Variants in NIPAL2 observed in about 807,000 individuals in gnomAD.
The protein encoded by NIPAL2 is NIPA like domain containing 2.
A neutral mutation model predicts 48.9 loss-of-function variants in NIPAL2; 43 were observed. That is an observed-to-expected ratio of 0.88 (90% CI 0.69 to 1.13). The LOEUF is 1.13. NIPAL2 is among the 50% of genes most tolerant of loss of function. NIPAL2 has a pLI of 0.00. For missense variants in NIPAL2, 446 were observed against 461.4 expected (o/e 0.97, Z 0.31); for synonymous variants, 167 against 174.6 (o/e 0.96, Z 0.34).
At chr8:98,203,006 C>T (rs1386049021) in intron 8 of NIPAL2, 102 bp downstream of exon 8, 2 of 911,178 alleles carry the variant, frequency 2.2e-6, no homozygotes, top group East Asian at 2.6e-5. Context: ...GTGGAGGCAA[C>T]ACAGATCCTT....
intron 1 of NIPAL2, among the ~76,000 whole-genome samples, chr8:98,280,831 G>A (rs1370974660): frequency 6.8e-6 from 1 of 146,904 alleles, no homozygotes; most frequent in Non-Finnish European, 1.5e-5. Context: ...TTAACAATTG[G>A]TGAATCTCCA....
chr8:98,222,187 T>C (rs544667518), intron 5 of NIPAL2, among the ~76,000 whole-genome samples: 103 of 152,298 alleles, frequency 6.8e-4, no homozygotes, highest in African/African-American at 2.4e-3. Context: ...GTATTGTCCC[T>C]TCAACTTGGA....
At chr8:98,289,254 A>T (rs1389632371) in intron 1 of NIPAL2, among the ~76,000 whole-genome samples, 1 of 152,202 alleles carries the variant, frequency 6.6e-6, no homozygotes, top group Non-Finnish European at 1.5e-5. Context: ...TGTATGCTGT[A>T]ATCTGGCAGT....
chr8:98,220,701 C>T (rs952027300), intron 5 of NIPAL2, among the ~76,000 whole-genome samples: 1 of 152,104 alleles, frequency 6.6e-6, no homozygotes, highest in African/African-American at 2.4e-5. Flanking sequence ...CACCACCACG[C>T]CCAGCCTAAT....
intron 1 of NIPAL2, among the ~76,000 whole-genome samples, chr8:98,261,386 T>A (rs550709069): frequency 1.0e-4 from 14 of 134,060 alleles, no homozygotes; most frequent in African/African-American, 2.9e-4. Flanking sequence ...TTGAAAAAAA[T>A]TTAGAAGAAT....
chr8:98,231,003 A>G (rs1324229310), intron 4 of NIPAL2, among the ~76,000 whole-genome samples: 2 of 152,214 alleles, frequency 1.3e-5, no homozygotes, highest in East Asian at 1.9e-4. Flanking sequence ...AGCTAACCTG[A>G]CTGCAAGGGA....
chr8:98,239,293 G>A (rs1208401337), intron 3 of NIPAL2, among the ~76,000 whole-genome samples: 6 of 152,192 alleles, frequency 3.9e-5, no homozygotes, highest in African/African-American at 1.4e-4. Flanking sequence ...TTACAGCAGA[G>A]CTGGAACTGG....
At chr8:98,270,429 T>C (rs1489749955) in intron 1 of NIPAL2, among the ~76,000 whole-genome samples, 2 of 152,218 alleles carry the variant, frequency 1.3e-5, no homozygotes, top group Non-Finnish European at 2.9e-5. Context: ...ATTTCCCTGA[T>C]GATTAGTGAT....
chr8:98,293,862 G>T, intron 1 of NIPAL2, 141 bp downstream of exon 1: 1 of 775,176 alleles, frequency 1.3e-6, no homozygotes, highest in Non-Finnish European at 1.8e-6. Flanking sequence ...GGGAAACATT[G>T]CATGTCACCT....
chr8:98,195,779 C>T, intron 9 of NIPAL2, 163 bp downstream of exon 9: 1 of 529,520 alleles, frequency 1.9e-6, no homozygotes, highest in South Asian at 2.0e-5. Context: ...GACGCTGAGC[C>T]CTGTTTAGGG....
At chr8:98,286,812 CAAAAAAAAAAAAAAAAAAAA>C (rs1182876107) in intron 1 of NIPAL2, among the ~76,000 whole-genome samples, 1 of 57,896 alleles carries the variant, frequency 1.7e-5, no homozygotes, top group Non-Finnish European at 3.4e-5. Context: ...GAGACTCTGT[CAAAAAAAAAAAAAAAAAAAA>C]AACCAAAAAC....
At position 98,192,972 on chromosome 8, in the gene NIPAL2, C is replaced by T; in HGVS notation, c.*6G>A. On this transcript the variant is annotated 3_prime_UTR_variant, in exon 11 of 11. Coordinates refer to ENST00000430223, the MANE Select transcript of NIPAL2 (RefSeq NM_001321635.2). The stretch of plus-strand genomic sequence containing the variant: ...ATAACAGGCCAACAGCCATCCTTCT[C>T]AGCATTTAGACCTCTTTCTTCTCTC... 1 of 1,585,042 alleles carries T rather than the reference C, an allele frequency of 6.3e-7. No homozygotes were observed. Among genetic ancestry groups the T allele is most frequent in the Non-Finnish European group, 8.7e-7 (1 of 1,153,886 alleles).
At chr8:98,233,147 A>G (rs1812526948) in intron 4 of NIPAL2, among the ~76,000 whole-genome samples, 1 of 152,154 alleles carries the variant, frequency 6.6e-6, no homozygotes, top group African/African-American at 2.4e-5. Context: ...AATCCCAGCT[A>G]CTTGGGAGGC....
chr8:98,259,225 C>A (rs540189221), intron 1 of NIPAL2, among the ~76,000 whole-genome samples: 22 of 150,478 alleles, frequency 1.5e-4, no homozygotes, highest in Non-Finnish European at 3.0e-4. Context: ...TACAGGCGCG[C>A]GCCACCATGC....
intron 1 of NIPAL2, among the ~76,000 whole-genome samples, chr8:98,257,552 C>A (rs745828288): frequency 2.0e-5 from 3 of 151,988 alleles, no homozygotes; most frequent in Non-Finnish European, 4.4e-5. Flanking sequence ...CCACCACACC[C>A]GGCCTATTTC....
chr8:98,208,780 G>T (rs1811164698), intron 6 of NIPAL2, among the ~76,000 whole-genome samples: 1 of 152,048 alleles, frequency 6.6e-6, no homozygotes, highest in Non-Finnish European at 1.5e-5. Flanking sequence ...ACCACTACTG[G>T]CAAAGTGGGC....
rs575471933 is a variant in NIPAL2, at chr8:98,271,676, GC to G, written c.136-17590del. On this transcript the variant is annotated intron_variant, in intron 1 of 10. Coordinates refer to ENST00000430223, the MANE Select transcript of NIPAL2 (RefSeq NM_001321635.2). ...TAACTTCCTCTTTTCCTATTTGGAT[GC>G]CCTTTATTTCTTTCTCTTGCCTGAT... Among the ~76,000 whole-genome samples, 6 of 152,172 alleles carry G rather than the reference GC, an allele frequency of 3.9e-5. No individual in the cohort carries two copies. The East Asian group carries it at 1.2e-3, about 29-fold the overall frequency.
intron 1 of NIPAL2, among the ~76,000 whole-genome samples, chr8:98,287,328 A>AATCTCT (rs1816236267): frequency 6.6e-6 from 1 of 152,190 alleles, no homozygotes; most frequent in African/African-American, 2.4e-5. Context: ...ACATGGGAAG[A>AATCTCT]ATCTCTGCCT....
intron 1 of NIPAL2, among the ~76,000 whole-genome samples, chr8:98,275,280 C>T (rs929374450): frequency 6.6e-6 from 1 of 152,112 alleles, no homozygotes; most frequent in Non-Finnish European, 1.5e-5. Flanking sequence ...CCTCACCATT[C>T]CTAACCCCTA....
Sources: gnomAD v4.1 joint callset for allele counts (sites outside exome capture counted in the v4.1 genomes callset) on GRCh38, gnomAD v4.1.1 for gene constraint, MANE v1.5 for transcripts, NCBI Gene and HGNC (gene_info 2026-07-23, HGNC 2026-07-21) for gene names.